Variants in TBC1D19 observed in about 807,000 individuals in gnomAD.
The protein encoded by TBC1D19 is TBC1 domain family, member 19.
In TBC1D19, 60 loss-of-function variants were observed where a neutral mutation model predicts 89.0. The observed-to-expected ratio is 0.67, with a 90% CI of 0.55 to 0.84. The LOEUF (loss-of-function observed/expected upper bound fraction) is 0.84, where lower values mean the gene tolerates loss of function less well. Ranked by LOEUF, TBC1D19 falls within the 40% of genes least tolerant of loss-of-function variation. TBC1D19 has a pLI of 0.00. For synonymous variants in TBC1D19, 189 were observed against 199.7 expected, an observed-to-expected ratio of 0.95 and a Z score of 0.45; for missense variants, 500 against 610.8, an observed-to-expected ratio of 0.82 and a Z score of 1.91.
At chr4:26,723,204 G>A (rs1472085268) in intron 15 of TBC1D19, among the ~76,000 whole-genome samples, 1 of 151,966 alleles carries the variant, frequency 6.6e-6, no homozygotes, top group Non-Finnish European at 1.5e-5. Flanking sequence ...ACTTTTCTCT[G>A]GGCAATGATT....
At position 26,754,958 on chromosome 4, in the gene TBC1D19, AG is replaced by A; in HGVS notation, c.*12del. On this transcript the variant is annotated 3_prime_UTR_variant, in exon 21 of 21. Transcript: ENST00000264866. ...GCTACTGTCACCTGATCTTCTTCAC[AG>A]TCACTGGCAACACATCTAGTTTTTC... is the stretch of plus-strand genomic sequence containing the variant. 1 of 1,597,214 alleles carries A rather than the reference AG, an allele frequency of 6.3e-7. No individual in the cohort carries two copies. The highest frequency in any genetic ancestry group is 8.5e-7 in the Non-Finnish European group (1 of 1,174,380).
At chr4:26,817,835 G>T in the TBC1D19 span, among the ~76,000 whole-genome samples, 1 of 151,674 alleles carries the variant, frequency 6.6e-6, no homozygotes, top group Admixed American at 6.6e-5. Context: ...GGGCGTGGTG[G>T]TGCGTGCCTA....
At chr4:26,847,830 A>G in the TBC1D19 span, among the ~76,000 whole-genome samples, 1 of 152,206 alleles carries the variant, frequency 6.6e-6, no homozygotes, top group Non-Finnish European at 1.5e-5. Context: ...TGACTTTTCT[A>G]TTTCATTGAT....
chr4:26,768,035 AGG>A, the TBC1D19 span, among the ~76,000 whole-genome samples: 27 of 152,262 alleles, frequency 1.8e-4, no homozygotes, highest in African/African-American at 6.5e-4. Context: ...AGTACCAGAG[AGG>A]AGAGAGATGC....
In TBC1D19 at chr4:26,584,198, T is replaced by A; in HGVS notation, c.5T>A (p.Leu2Ter). The change falls in exon 1 of 21, where the codon TTG becomes TAG. Residue 2 changes from leucine to a stop codon, truncating the protein, a stop_gained. Transcript: ENST00000264866. LOFTEE classifies it high-confidence loss of function. M[L>*]QEESDLSLII... ...TGGCGGGCTAGGGCAGGGGAAATGT[T>A]GCAGGAGGAGTCGGACCTCTCTCTC... 6.2e-7 allele frequency: 1 copy of A among 1,610,124 alleles called. No homozygotes were observed. The highest frequency in any genetic ancestry group is 8.5e-7 in the Non-Finnish European group (1 of 1,178,800).
upstream of TBC1D19, among the ~76,000 whole-genome samples, chr4:26,582,743 C>T (rs1407441663): frequency 6.6e-6 from 1 of 152,196 alleles, no homozygotes; most frequent in East Asian, 1.9e-4. Context: ...TGCTTTGTTT[C>T]TTTCCTGGCT....
chr4:26,832,883 A>G, the TBC1D19 span, among the ~76,000 whole-genome samples: 1 of 152,144 alleles, frequency 6.6e-6, no homozygotes, highest in East Asian at 1.9e-4. Flanking sequence ...AATCCCAGCT[A>G]CTAGGGAGGC....
At chr4:26,715,531 C>T (rs140733715) in intron 13 of TBC1D19, among the ~76,000 whole-genome samples, 135 of 152,134 alleles carry the variant, frequency 8.9e-4, no homozygotes, top group African/African-American at 3.1e-3. Context: ...GTTAATGAAG[C>T]AGGATTGAGC....
At chr4:26,672,813 A>T (rs1364964313) in intron 10 of TBC1D19, among the ~76,000 whole-genome samples, 1 of 151,906 alleles carries the variant, frequency 6.6e-6, no homozygotes, top group African/African-American at 2.4e-5. Flanking sequence ...TAAAAATTGT[A>T]TTTATTTAGA....
At chr4:26,842,606 TTCTTTCTTTC>T in the TBC1D19 span, among the ~76,000 whole-genome samples, 1 of 140,700 alleles carries the variant, frequency 7.1e-6, no homozygotes, top group Non-Finnish European at 1.5e-5. Flanking sequence ...CTTTCTTTCT[TTCTTTCTTTC>T]TTTCTTTCTT....
At chr4:26,587,344 A>C (rs1397648474) in intron 1 of TBC1D19, among the ~76,000 whole-genome samples, 2 of 152,116 alleles carry the variant, frequency 1.3e-5, no homozygotes, top group Non-Finnish European at 2.9e-5. Flanking sequence ...TTGGGAGGCC[A>C]AGGTGGGCAG....
At chr4:26,836,418 G>A in the TBC1D19 span, among the ~76,000 whole-genome samples, 1 of 152,182 alleles carries the variant, frequency 6.6e-6, no homozygotes, top group Admixed American at 6.5e-5. Flanking sequence ...GATGGTGTTG[G>A]AGGGGCAGAG....
chr4:26,753,974 C>T (rs756149190), intron 20 of TBC1D19, 84 bp downstream of exon 20: 4 of 1,451,100 alleles, frequency 2.8e-6, no homozygotes, highest in East Asian at 2.3e-5. Context: ...TTGCATAGGA[C>T]ACGCGTTACT....
intron 1 of TBC1D19, among the ~76,000 whole-genome samples, chr4:26,604,875 A>C (rs1160212601): frequency 5.1e-5 from 5 of 97,996 alleles, no homozygotes; most frequent in Admixed American, 1.3e-4. Flanking sequence ...CAGAGCGAGA[A>C]TCCATCTCAA....
chr4:26,617,854 A>G (rs1412403497), intron 3 of TBC1D19, among the ~76,000 whole-genome samples: 1 of 152,250 alleles, frequency 6.6e-6, no homozygotes, highest in Non-Finnish European at 1.5e-5. Flanking sequence ...ATAAAAACAT[A>G]TAGCATAGTT....
the TBC1D19 span, among the ~76,000 whole-genome samples, chr4:26,828,556 C>T: frequency 0.022 from 3,310 of 152,316 alleles, 118 homozygotes; most frequent in African/African-American, 0.076. Flanking sequence ...AGACACTGCT[C>T]CCCAAATCTA....
At chr4:26,639,951 C>T (rs756628228) in intron 6 of TBC1D19, among the ~76,000 whole-genome samples, 190 bp from the exon 7 acceptor site, 16 of 152,216 alleles carry the variant, frequency 1.1e-4, no homozygotes, top group Non-Finnish European at 1.9e-4. Flanking sequence ...AATATGTCAT[C>T]TAGGATGTTA....
the TBC1D19 span, among the ~76,000 whole-genome samples, chr4:26,799,277 G>A: frequency 0.11 from 15,996 of 152,048 alleles, 1,394 homozygotes; most frequent in African/African-American, 0.23. Context: ...CTGGGAGGTT[G>A]AGGTTGCAGT....
At chr4:26,751,565 G>A (rs1195179829) in intron 19 of TBC1D19, among the ~76,000 whole-genome samples, 1 of 152,228 alleles carries the variant, frequency 6.6e-6, no homozygotes, top group Non-Finnish European at 1.5e-5. Flanking sequence ...CAGTTAAGGA[G>A]TAAATCCTTT....
Sources: allele counts gnomAD v4.1 joint callset (sites outside exome capture counted in the v4.1 genomes callset), GRCh38; gene constraint gnomAD v4.1.1; transcripts MANE v1.5; gene names NCBI Gene and HGNC (gene_info 2026-07-23, HGNC 2026-07-21).